Variants in KIAA2012 observed in about 807,000 individuals in gnomAD.
The protein encoded by KIAA2012 is uncharacterized protein KIAA2012.
In KIAA2012, 125 loss-of-function variants were observed where a neutral mutation model predicts 150.6. The ratio of observed to expected loss-of-function variants is 0.83; its 90% CI spans 0.72 to 0.96. KIAA2012 has a LOEUF of 0.96. Among genes scored for constraint, KIAA2012 ranks in the 40% least tolerant of loss-of-function variants. The pLI, the probability that KIAA2012 is intolerant of heterozygous loss-of-function variation, is 0.00. For missense variants in KIAA2012, 1,219 were observed against 1,354.9 expected (o/e 0.90, Z 1.57); for synonymous variants, 462 against 504.7 (o/e 0.92, Z 1.13).
intron 2 of KIAA2012, among the ~76,000 whole-genome samples, chr2:202,088,586 G>A (rs1689637974): frequency 6.6e-6 from 1 of 152,168 alleles, no homozygotes; most frequent in South Asian, 2.1e-4. Context: ...CAAGTGCAGG[G>A]TGGGCAGGGA....
intron 21 of KIAA2012, among the ~76,000 whole-genome samples, chr2:202,195,486 A>C (rs1212689463): frequency 6.6e-6 from 1 of 151,962 alleles, no homozygotes; most frequent in Non-Finnish European, 1.5e-5. Flanking sequence ...GTGCCACTGC[A>C]CTCCAACCTG....
chr2:202,166,165 T>C (rs901484833), intron 15 of KIAA2012, among the ~76,000 whole-genome samples: 2 of 152,230 alleles, frequency 1.3e-5, no homozygotes, highest in Non-Finnish European at 2.9e-5. Context: ...TCCTGTCTCA[T>C]GACGGAAGAG....
intron 15 of KIAA2012, among the ~76,000 whole-genome samples, chr2:202,176,494 G>A (rs920376861): frequency 3.9e-5 from 6 of 152,282 alleles, no homozygotes; most frequent in East Asian, 1.9e-4. Context: ...ACTGTGCCCC[G>A]CCAATGAATC....
At chr2:202,132,766 A>AG (rs1690977125) in intron 12 of KIAA2012, among the ~76,000 whole-genome samples, 2 of 99,490 alleles carry the variant, frequency 2.0e-5, no homozygotes, top group Admixed American at 2.1e-4. Context: ...GTATATATAT[A>AG]CATATATACA....
At chr2:202,188,453 A>C (rs1023885936) in intron 18 of KIAA2012, among the ~76,000 whole-genome samples, 187 bp downstream of exon 18, 2 of 152,182 alleles carry the variant, frequency 1.3e-5, no homozygotes, top group Non-Finnish European at 2.9e-5. Context: ...GATACAGGAA[A>C]ACGGGGAGCC....
intron 13 of KIAA2012, among the ~76,000 whole-genome samples, chr2:202,150,337 A>T (rs535030044): frequency 1.4e-3 from 215 of 152,344 alleles, no homozygotes; most frequent in African/African-American, 4.9e-3. Flanking sequence ...TTGCAGTACA[A>T]TATAGGTGAA....
At position 202,194,315 on chromosome 2, in the gene KIAA2012, T is replaced by C; in HGVS notation, c.3140T>C (p.Leu1047Pro). 1 of 1,550,368 alleles carries C rather than the reference T, an allele frequency of 6.5e-7. No individual in the cohort carries two copies. The highest frequency in any genetic ancestry group is 8.7e-7 in the Non-Finnish European group (1 of 1,146,974). Reference protein sequence around the residue: ...RQQQEEFRRKLRELQRKKQQE... With the variant: ...RQQQEEFRRKPRELQRKKQQE... ...CAGCAAGAGGAGTTTCGGAGGAAAC[T>C]GCGAGAACTACAGAGAAAAAAGCAG... The change falls in exon 21 of 24, where the codon CTG becomes CCG. Residue 1047 changes from leucine to proline, a missense_variant. Physicochemically the swap from Leu to Pro is moderately conservative, Grantham distance 98 (BLOSUM62 -3). Coordinates refer to ENST00000498697, the MANE Select transcript of KIAA2012 (RefSeq NM_001277372.4).
chr2:202,107,841 T>C (rs1690239684), intron 9 of KIAA2012, among the ~76,000 whole-genome samples: 1 of 152,012 alleles, frequency 6.6e-6, no homozygotes, highest in African/African-American at 2.4e-5. Flanking sequence ...AAACCCCATC[T>C]CAACTAAAAA....
At chr2:202,088,927 A>G (rs978911141) in intron 2 of KIAA2012, among the ~76,000 whole-genome samples, 1 of 152,188 alleles carries the variant, frequency 6.6e-6, no homozygotes, top group African/African-American at 2.4e-5. Context: ...AGCTCACGCA[A>G]GATCACAAAG....
intron 21 of KIAA2012, among the ~76,000 whole-genome samples, chr2:202,195,865 T>C (rs562795828): frequency 6.6e-6 from 1 of 152,226 alleles, no homozygotes; most frequent in Non-Finnish European, 1.5e-5. Context: ...ATTTCATTCT[T>C]TTTATGGATA....
intron 7 of KIAA2012, among the ~76,000 whole-genome samples, chr2:202,102,565 T>C (rs553354287): frequency 6.6e-6 from 1 of 152,358 alleles, no homozygotes; most frequent in South Asian, 2.1e-4. Flanking sequence ...AACAATGTTC[T>C]GTACTTTGCT....
At chr2:202,141,397 G>A (rs987228709) in intron 13 of KIAA2012, among the ~76,000 whole-genome samples, 4 of 152,048 alleles carry the variant, frequency 2.6e-5, no homozygotes, top group African/African-American at 9.7e-5. Flanking sequence ...GCAGGGGTAA[G>A]AAAACTACAA....
Position 202,201,054 on chromosome 2 carries a change from C to T in KIAA2012, c.3408-1375C>T, listed in dbSNP as rs150718766. Among the ~76,000 whole-genome samples, 1,146 of 152,202 alleles carry T rather than the reference C, an allele frequency of 7.5e-3. 16 individuals are homozygous for T. The highest frequency in any genetic ancestry group is 0.026 in the African/African-American group (1,070 of 41,514). ...AGGAAGATCAAGTTTCCCTCCAAACCTAATTTGATGTTTTATTACTAACAG... is the reference window on the plus strand; with the variant it reads ...AGGAAGATCAAGTTTCCCTCCAAACTTAATTTGATGTTTTATTACTAACAG... On this transcript the variant is annotated intron_variant, in intron 22 of 23. Transcript: ENST00000498697.
At chr2:202,078,612 A>T (rs1204547102) in intron 2 of KIAA2012, among the ~76,000 whole-genome samples, 1 of 152,192 alleles carries the variant, frequency 6.6e-6, no homozygotes, top group African/African-American at 2.4e-5. Context: ...TTTAAAGCAG[A>T]TTACAAAAAT....
chr2:202,197,257 C>G, intron 22 of KIAA2012: 1 of 613,226 alleles, frequency 1.6e-6, no homozygotes, highest in Non-Finnish European at 2.8e-6. Context: ...CGTCAACCCC[C>G]TAGTTTATAG....
At chr2:202,196,186 C>CTTTTCTTTTTTT (rs59455367) in intron 21 of KIAA2012, among the ~76,000 whole-genome samples, 12 of 79,708 alleles carry the variant, frequency 1.5e-4, no homozygotes, top group African/African-American at 6.1e-4. Flanking sequence ...CTTTTCTTTT[C>CTTTTCTTTTTTT]TTTTTTTTTT....
chr2:202,088,359 C>A (rs1305314469), intron 2 of KIAA2012, among the ~76,000 whole-genome samples: 18 of 152,216 alleles, frequency 1.2e-4, no homozygotes, highest in Admixed American at 1.2e-3. Flanking sequence ...TATTTGTTCA[C>A]CACCTACTAT....
chr2:202,157,957 A>G (rs1691562813), intron 14 of KIAA2012, among the ~76,000 whole-genome samples: 2 of 152,110 alleles, frequency 1.3e-5, no homozygotes, highest in South Asian at 4.2e-4. Context: ...TGGAGACAAT[A>G]TAAAGCTTTC....
intron 11 of KIAA2012, chr2:202,115,965 T>C (rs1449011196): frequency 6.6e-6 from 1 of 151,128 alleles, no homozygotes; most frequent in African/African-American, 2.4e-5. Flanking sequence ...CTTTTGGTCA[T>C]GTTGGGATAT....
Sources: gnomAD v4.1 joint callset for allele counts (sites outside exome capture counted in the v4.1 genomes callset) on GRCh38, gnomAD v4.1.1 for gene constraint, MANE v1.5 for transcripts, NCBI Gene and HGNC (gene_info 2026-07-23, HGNC 2026-07-21) for gene names.